WDPCP: variants seen among roughly 807,000 people sequenced by gnomAD.
WDPCP encodes WD repeat containing planar cell polarity effector.
A neutral mutation model predicts 93.1 loss-of-function variants in WDPCP; 71 were observed. The observed-to-expected ratio is 0.76, with a 90% CI of 0.63 to 0.93. The LOEUF (loss-of-function observed/expected upper bound fraction) is 0.93. Ranked by LOEUF, WDPCP falls within the 40% of genes least tolerant of loss-of-function variation. The pLI, the probability that WDPCP is intolerant of heterozygous loss-of-function variation, is 0.00. For synonymous variants in WDPCP, 315 were observed against 315.0 expected, an observed-to-expected ratio of 1.00 and a Z score of 0.00; for missense variants, 844 against 887.4, an observed-to-expected ratio of 0.95 and a Z score of 0.62.
At chr2:63,513,353 G>A (rs1354247045) in intron 1 of WDPCP, among the ~76,000 whole-genome samples, 3 of 152,108 alleles carry the variant, frequency 2.0e-5, no homozygotes, top group African/African-American at 7.2e-5. Context: ...TGTTGGAGGG[G>A]AGAAAGGAAG....
intron 15 of WDPCP, among the ~76,000 whole-genome samples, chr2:63,171,177 CA>C (rs2103978689): frequency 6.6e-6 from 1 of 151,902 alleles, no homozygotes; most frequent in Non-Finnish European, 1.5e-5. Flanking sequence ...ACATAAAAGA[CA>C]ATCAAAAAAA....
At chr2:63,733,628 C>T (rs1201744944) in intron 2 of WDPCP, among the ~76,000 whole-genome samples, 1 of 152,226 alleles carries the variant, frequency 6.6e-6, no homozygotes, top group South Asian at 2.1e-4. Context: ...CTAGCAAGGG[C>T]AAGTGTGTTG....
chr2:63,404,216 T>C lies in WDPCP; in HGVS notation c.1267A>G (p.Arg423Gly), dbSNP rs745555236. The C allele has an allele frequency of 6.2e-6, 10 of 1,613,708 alleles. No homozygotes were observed. The highest frequency in any genetic ancestry group is 3.3e-4 in the Middle Eastern group (2 of 6,082). Residue 423 changes from arginine (R) to glycine (G), a missense_variant, in exon 10 of 18, where the codon AGG (arginine) becomes GGG (glycine). Physicochemically the swap from Arg to Gly is moderately radical, Grantham distance 125. Transcript: ENST00000272321. Reference protein sequence around the residue: ...IQLLAEDRLPRETLQFSKLFD... With the variant: ...IQLLAEDRLPGETLQFSKLFD... ...AATTTACTGAATTGCAGAGTCTCCCTGGGTAAGCGGTCTTCAGCCAACAGT... is the reference window on the plus strand; with the variant it reads ...AATTTACTGAATTGCAGAGTCTCCCCGGGTAAGCGGTCTTCAGCCAACAGT...
intron 2 of WDPCP, among the ~76,000 whole-genome samples, chr2:63,694,499 A>T (rs1178762081): frequency 6.6e-6 from 1 of 152,164 alleles, no homozygotes; most frequent in African/African-American, 2.4e-5. Context: ...AATAAAGTGG[A>T]TGACACTCTT....
At chr2:63,533,209 G>C (rs1241361115) in intron 1 of WDPCP, among the ~76,000 whole-genome samples, 1 of 152,122 alleles carries the variant, frequency 6.6e-6, no homozygotes, top group Non-Finnish European at 1.5e-5. Flanking sequence ...GATTCATAAA[G>C]CAAGTCCTTA....
intron 1 of WDPCP, among the ~76,000 whole-genome samples, chr2:63,574,921 C>T (rs191685232): frequency 1.0e-3 from 156 of 152,210 alleles, no homozygotes; most frequent in African/African-American, 2.9e-3. Context: ...GCATTCAATA[C>T]GTGGTACTTC....
chr2:63,558,591 T>A (rs1251959555), intron 1 of WDPCP, among the ~76,000 whole-genome samples: 3 of 148,556 alleles, frequency 2.0e-5, no homozygotes, highest in African/African-American at 7.4e-5. Context: ...GAATAAAAAA[T>A]GATAAAGGGG....
At chr2:63,840,535 G>A in the WDPCP span, among the ~76,000 whole-genome samples, 1 of 152,170 alleles carries the variant, frequency 6.6e-6, no homozygotes, top group African/African-American at 2.4e-5. Context: ...GCCCACACAG[G>A]CCAATGCCTA....
At chr2:63,333,892 T>C (rs1013773136) in intron 12 of WDPCP, among the ~76,000 whole-genome samples, 18 of 152,182 alleles carry the variant, frequency 1.2e-4, no homozygotes, top group African/African-American at 4.3e-4. Flanking sequence ...ACATTCCACA[T>C]AGAATTATCT....
At chr2:63,221,823 G>T (rs903385340) in intron 14 of WDPCP, among the ~76,000 whole-genome samples, 1 of 152,072 alleles carries the variant, frequency 6.6e-6, no homozygotes, top group African/African-American at 2.4e-5. Context: ...ATTGTGTAGA[G>T]AATTTATGAC....
chr2:63,213,062 C>T (rs928987217), intron 14 of WDPCP, among the ~76,000 whole-genome samples: 1 of 152,062 alleles, frequency 6.6e-6, no homozygotes, highest in Non-Finnish European at 1.5e-5. Context: ...TAGACAGATC[C>T]ATGAGACAGA....
intron 7 of WDPCP, among the ~76,000 whole-genome samples, 176 bp downstream of exon 7, chr2:63,439,581 T>C (rs1003014865): frequency 2.0e-5 from 3 of 152,094 alleles, no homozygotes; most frequent in Non-Finnish European, 4.4e-5. Context: ...AAAACTTTGA[T>C]ATTAAATATT....
chr2:63,378,607 G>C (rs535155334), intron 11 of WDPCP, 98 bp from the exon 12 acceptor site: 1 of 1,497,720 alleles, frequency 6.7e-7, no homozygotes, highest in Non-Finnish European at 9.3e-7. Context: ...TGCAGACTTG[G>C]ATGAAACATG....
At chr2:63,647,783 T>C (rs897017949) in intron 3 of WDPCP, among the ~76,000 whole-genome samples, 1 of 152,204 alleles carries the variant, frequency 6.6e-6, no homozygotes, top group Non-Finnish European at 1.5e-5. Flanking sequence ...AGACCCTCTC[T>C]GTATTATCAT....
chr2:63,411,025 T>A (rs918161684), intron 9 of WDPCP, among the ~76,000 whole-genome samples: 4 of 152,102 alleles, frequency 2.6e-5, no homozygotes, highest in African/African-American at 9.7e-5. Flanking sequence ...ATTTAAACTA[T>A]ACCTTGGAAC....
chr2:63,581,079 A>T (rs576557824), intron 1 of WDPCP, among the ~76,000 whole-genome samples: 3 of 152,216 alleles, frequency 2.0e-5, no homozygotes, highest in Admixed American at 2.0e-4. Flanking sequence ...TAAAAAAAAT[A>T]GCTGAGCTTG....
intron 12 of WDPCP, among the ~76,000 whole-genome samples, chr2:63,367,528 A>C (rs1018388998): frequency 6.6e-6 from 1 of 152,142 alleles, no homozygotes; most frequent in Non-Finnish European, 1.5e-5. Context: ...TTATTGCAGC[A>C]CTGTTTATAG....
chr2:63,561,385 G>GAATTGCTAGGTCAAATGGTATTT (rs1558810449), intron 1 of WDPCP, among the ~76,000 whole-genome samples: 72 of 152,168 alleles, frequency 4.7e-4, no homozygotes, highest in African/African-American at 1.7e-3. Flanking sequence ...GGCTGAGGCA[G>GAATTGCTAGGTCAAATGGTATTT]GAGAATTGCT....
At chr2:63,680,892 C>T (rs962436805) in intron 2 of WDPCP, among the ~76,000 whole-genome samples, 2 of 152,036 alleles carry the variant, frequency 1.3e-5, no homozygotes, top group African/African-American at 4.8e-5. Context: ...TTGAGAGGCA[C>T]CCATTCCAGG....
Sources: gnomAD v4.1 joint callset for allele counts (sites outside exome capture counted in the v4.1 genomes callset) on GRCh38, gnomAD v4.1.1 for gene constraint, MANE v1.5 for transcripts, NCBI Gene and HGNC (gene_info 2026-07-23, HGNC 2026-07-21) for gene names.